The following MAP3K4 variants were observed in gnomAD, a reference collection of about 807,000 sequenced individuals.
MAP3K4 encodes mitogen-activated protein kinase kinase kinase 4.
A neutral mutation model predicts 185.6 loss-of-function variants in MAP3K4; 67 were observed. That is an observed-to-expected ratio of 0.36 (90% CI 0.30 to 0.44). The LOEUF (loss-of-function observed/expected upper bound fraction) is 0.44. Among genes scored for constraint, MAP3K4 ranks in the 20% least tolerant of loss-of-function variants. MAP3K4 has a pLI of 1.00. For synonymous variants in MAP3K4, 702 were observed against 710.4 expected (o/e 0.99, Z 0.19); for missense variants, 1,551 against 1,995.1 (o/e 0.78, Z 4.24).
Position 161,097,145 on chromosome 6 carries a change from C to G in MAP3K4, c.3493C>G (p.His1165Asp). ...ATGCCATAGTGACCCTCCTAACCCACACCTCATTATCCCCACTCCAGAGGG... is the reference window on the plus strand; with the variant it reads ...ATGCCATAGTGACCCTCCTAACCCAGACCTCATTATCCCCACTCCAGAGGG... ...PRCHSDPPNP[H>D]LIIPTPEGFS... Residue 1165 changes from histidine (H) to aspartate (D), a missense_variant, in exon 16 of 27, where the codon CAC (histidine) becomes GAC (aspartate). His to Asp is a moderately conservative substitution (Grantham distance 81). Transcript: ENST00000392142. This position sits in a 1 kb window ranked among gnomAD's most constrained non-coding sequence, Gnocchi z 4.9. 6.2e-7 allele frequency: 1 copy of G among 1,614,180 alleles called. No homozygotes were observed. Among genetic ancestry groups the G allele is most frequent in the Non-Finnish European group, 8.5e-7 (1 of 1,180,018 alleles).
chr6:161,080,131 C>T lies in MAP3K4; in HGVS notation c.2098-750C>T, dbSNP rs1308954141. Among the ~76,000 whole-genome samples the T allele has an allele frequency of 6.6e-6, 1 of 152,066 alleles. No individual in the cohort carries two copies. Among genetic ancestry groups the T allele is most frequent in the Non-Finnish European group, 1.5e-5 (1 of 68,028 alleles). On this transcript the variant is annotated intron_variant, in intron 5 of 26. Transcript: ENST00000392142. The surrounding 1 kb of genome is among the most constrained non-coding windows in gnomAD (Gnocchi z 4.8). ...GGAGTGGAGTGATGTCTGAAAAGTT[C>T]CGAGAGAGAATGTGTGACTCAAATA...
At position 161,088,552 on chromosome 6, in the gene MAP3K4, G is replaced by A. The variant is rs1785857675; in HGVS notation, c.2823+598G>A. On this transcript the variant is annotated intron_variant, in intron 10 of 26. Transcript: ENST00000392142. The surrounding 1 kb of genome is among the most constrained non-coding windows in gnomAD (Gnocchi z 4.5). ...AACTCTGCTTTTATATTCCGTCTCA[G>A]TGAATGGTTCCGCGTTCACTCACAT... 6.6e-6 allele frequency among the ~76,000 whole-genome samples: 1 copy of A among 152,194 alleles called. No homozygotes were observed. Among genetic ancestry groups the A allele is most frequent in the Non-Finnish European group, 1.5e-5 (1 of 68,046 alleles).
Position 161,084,658 on chromosome 6 carries a change from G to T in MAP3K4, c.2372+41G>T, listed in dbSNP as rs369532504. ...CCTTTCCCCTTCCACTTCTTATCTC[G>T]TAGTTTCCTTCCTCATGGTGAGATC... is the stretch of plus-strand genomic sequence containing the variant. On this transcript the variant is annotated intron_variant, in intron 7 of 26. Transcript: ENST00000392142. This position sits in a 1 kb window ranked among gnomAD's most constrained non-coding sequence, Gnocchi z 4.6. The T allele has an allele frequency of 2.6e-6, 3 of 1,153,922 alleles. No homozygotes were observed. Among genetic ancestry groups the T allele is most frequent in the African/African-American group, 1.5e-5 (1 of 66,222 alleles). 71.5% of individuals were successfully genotyped at this position (1,153,922 alleles called of 1,614,324 possible). A position where few individuals can be genotyped will look rare whatever the true frequency, so the allele number is the denominator to read the frequency against.
At chr6:160,994,290 C>G (rs1267919000) in intron 1 of MAP3K4, among the ~76,000 whole-genome samples, 1 of 152,132 alleles carries the variant, frequency 6.6e-6, no homozygotes, top group South Asian at 2.1e-4. Context: ...TTCCTCACCC[C>G]GCTCTGAGCC....
rs1187777700 is a variant in MAP3K4, at chr6:161,037,878, T to C, written c.343+3429T>C. On this transcript the variant is annotated intron_variant, in intron 2 of 26. Transcript: ENST00000392142. The surrounding 1 kb of genome is among the most constrained non-coding windows in gnomAD (Gnocchi z 4.2). ...AAATGATTGTCTCAAGTCGTGTAGCTACTGTTCCTGCTTCTGTCCTGCCTG... is the reference window on the plus strand; with the variant it reads ...AAATGATTGTCTCAAGTCGTGTAGCCACTGTTCCTGCTTCTGTCCTGCCTG... Among the ~76,000 whole-genome samples the C allele has an allele frequency of 6.6e-6, 1 of 152,222 alleles. No individual in the cohort carries two copies. Among genetic ancestry groups the C allele is most frequent in the African/African-American group, 2.4e-5 (1 of 41,454 alleles).
intron 25 of MAP3K4, among the ~76,000 whole-genome samples, chr6:161,113,370 G>A (rs548681817): frequency 6.6e-6 from 1 of 152,286 alleles, no homozygotes; most frequent in African/African-American, 2.4e-5. Context: ...AGGGACGTGG[G>A]GGAACAGAGA....
At position 161,017,288 on chromosome 6, in the gene MAP3K4, C is replaced by A. The variant is rs1047715762; in HGVS notation, c.153-16971C>A. 1.3e-5 allele frequency among the ~76,000 whole-genome samples: 2 copies of A among 151,986 alleles called. No homozygotes were observed. The highest frequency in any genetic ancestry group is 4.8e-5 in the African/African-American group (2 of 41,358). ...ATATTAGAATTTTTATTTCGATGAT[C>A]CTAGCTAAGTCAAAACAATTTGGTG... On this transcript the variant is annotated intron_variant, in intron 1 of 26. Transcript: ENST00000392142. This position sits in a 1 kb window ranked among gnomAD's most constrained non-coding sequence, Gnocchi z 5.1.
In MAP3K4 at chr6:161,049,243, G is replaced by A; in HGVS notation, c.971G>A (p.Gly324Glu). Reference sequence around the variant, plus strand: ...GGTTTTAATGGTACTTCAGTAGAAGGGCAGTGCAAAGCCACTCCTGGAACA... The same window carrying A: ...GGTTTTAATGGTACTTCAGTAGAAGAGCAGTGCAAAGCCACTCCTGGAACA... ...RAGFNGTSVEGQCKATPGTKI... is the reference protein window; with the variant it reads ...RAGFNGTSVEEQCKATPGTKI... The change falls in exon 3 of 27, where the codon GGG becomes GAG. Residue 324 changes from glycine to glutamate, a missense_variant. By Grantham distance (98) the Gly-to-Glu change is moderately conservative. Transcript: ENST00000392142. This position sits in a 1 kb window ranked among gnomAD's most constrained non-coding sequence, Gnocchi z 8.4. 1 of 1,614,114 alleles carries A rather than the reference G, an allele frequency of 6.2e-7. No individual in the cohort carries two copies.
At chr6:161,089,236 G>T in intron 10 of MAP3K4, 86 bp from the exon 11 acceptor site, 1 of 1,411,844 alleles carries the variant, frequency 7.1e-7, no homozygotes. Context: ...CCCTGAGATT[G>T]GCATTGTTTT....
chr6:161,075,590 G>A lies in MAP3K4; in HGVS notation c.2097+1978G>A, dbSNP rs1053178603. Among the ~76,000 whole-genome samples the A allele has an allele frequency of 2.2e-4, 33 of 152,236 alleles. No individual in the cohort carries two copies. The highest frequency in any genetic ancestry group is 6.3e-4 in the African/African-American group (26 of 41,522). ...AAGAAGACAGAATATGCTTTGCTTC[G>A]TAAACTGTGTTTGCTGGCCCTTTAT... On this transcript the variant is annotated intron_variant, in intron 5 of 26. Coordinates refer to ENST00000392142, the MANE Select transcript of MAP3K4 (RefSeq NM_005922.4). The surrounding 1 kb of genome is among the most constrained non-coding windows in gnomAD (Gnocchi z 4.3).
intron 2 of MAP3K4, among the ~76,000 whole-genome samples, chr6:161,039,897 C>A (rs1783368863): frequency 6.6e-6 from 1 of 152,164 alleles, no homozygotes; most frequent in Non-Finnish European, 1.5e-5. Context: ...TAACCATGTT[C>A]CCTATAGTGT....
intron 1 of MAP3K4, among the ~76,000 whole-genome samples, chr6:161,012,633 A>G (rs143212366): frequency 1.1e-3 from 163 of 152,324 alleles, no homozygotes; most frequent in African/African-American, 3.7e-3. Flanking sequence ...TAAGAGACGT[A>G]TTAGTGCAGA....
chr6:161,116,711 C>A lies in MAP3K4; in HGVS notation c.4807-139C>A. ...GCCATTGTTCATTACATTTCTTAAGCCTTGCCCTCTGTGCCCAGTACAGTG... is the reference window on the plus strand; with the variant it reads ...GCCATTGTTCATTACATTTCTTAAGACTTGCCCTCTGTGCCCAGTACAGTG... On this transcript the variant is annotated intron_variant, in intron 26 of 26. Transcript: ENST00000392142. The surrounding 1 kb of genome is among the most constrained non-coding windows in gnomAD (Gnocchi z 6.2). The A allele has an allele frequency of 1.5e-6, 1 of 681,378 alleles. No individual in the cohort carries two copies. 42.2% of individuals were successfully genotyped at this position (681,378 alleles called of 1,614,324 possible). A position where few individuals can be genotyped will look rare whatever the true frequency, so the allele number is the denominator to read the frequency against.
rs11758794 is a variant in MAP3K4, at chr6:161,100,648, A to G, written c.3675-1244A>G. Among the ~76,000 whole-genome samples, 10,710 of 152,100 alleles carry G rather than the reference A, an allele frequency of 0.07. 460 individuals are homozygous for G. The highest frequency in any genetic ancestry group is 0.17 in the Middle Eastern group (50 of 294). On this transcript the variant is annotated intron_variant, in intron 17 of 26. Coordinates refer to ENST00000392142, the MANE Select transcript of MAP3K4 (RefSeq NM_005922.4). This position sits in a 1 kb window ranked among gnomAD's most constrained non-coding sequence, Gnocchi z 5.8. The stretch of plus-strand genomic sequence containing the variant: ...CAGAGCTAGTCGTTCAACATTCCCC[A>G]ATATGCCACTTCATGAGTATATGTT...
At chr6:161,035,297 G>C (rs1471729301) in intron 2 of MAP3K4, among the ~76,000 whole-genome samples, 2 of 152,126 alleles carry the variant, frequency 1.3e-5, no homozygotes, top group Non-Finnish European at 2.9e-5. Context: ...ATTTCTTCCT[G>C]TTGACCTCAC....
intron 1 of MAP3K4, among the ~76,000 whole-genome samples, chr6:161,023,084 T>A (rs895072209): frequency 1.3e-5 from 2 of 152,238 alleles, no homozygotes. Flanking sequence ...TCCAGCTTTA[T>A]ATGAAAAGGT....
intron 4 of MAP3K4, among the ~76,000 whole-genome samples, chr6:161,072,745 C>T (rs183998687): frequency 2.6e-5 from 4 of 152,312 alleles, no homozygotes; most frequent in Admixed American, 6.5e-5. Context: ...TCTCATATTA[C>T]AGTCCCTGTT....
In MAP3K4 at chr6:161,112,604, C is replaced by T. The variant is rs1778404260; in HGVS notation, c.4520-64C>T. The T allele has an allele frequency of 1.1e-6, 1 of 933,100 alleles. No homozygotes were observed. The highest frequency in any genetic ancestry group is 2.9e-5 in the East Asian group (1 of 34,974). The allele number at this position is 933,100 out of a possible 1,614,324, so 57.8% of individuals were successfully genotyped here. On this transcript the variant is annotated intron_variant, in intron 24 of 26. Coordinates refer to ENST00000392142, the MANE Select transcript of MAP3K4 (RefSeq NM_005922.4). The surrounding 1 kb of genome is among the most constrained non-coding windows in gnomAD (Gnocchi z 5.1). The stretch of plus-strand genomic sequence containing the variant: ...TGTACAATATTAATTTATTGCTTGG[C>T]TCTATTAATACATGTTGATGTGTTT...
intron 1 of MAP3K4, among the ~76,000 whole-genome samples, chr6:161,028,294 AAAT>A (rs1782766542): frequency 7.6e-6 from 1 of 132,010 alleles, no homozygotes; most frequent in Admixed American, 7.4e-5. Context: ...TAAGACTTCT[AAAT>A]TAAAGTGTTT....
Sources: gnomAD v4.1 joint callset for allele counts (sites outside exome capture counted in the v4.1 genomes callset) on GRCh38, gnomAD v4.1.1 for gene constraint, Gnocchi (gnomAD v3.1) non-coding constraint, MANE v1.5 for transcripts, NCBI Gene and HGNC (gene_info 2026-07-23, HGNC 2026-07-21) for gene names.